Variants in IL12RB2 observed in about 807,000 individuals in gnomAD.
IL12RB2 encodes the protein interleukin 12 receptor subunit beta 2.
IL12RB2 carries 82 observed loss-of-function variants against 89.4 expected under a neutral mutation model. That is an observed-to-expected ratio of 0.92 (90% CI 0.77 to 1.10). The LOEUF (loss-of-function observed/expected upper bound fraction) is 1.10, where lower values mean the gene tolerates loss of function less well. Among genes scored for constraint, IL12RB2 ranks in the 50% least tolerant of loss-of-function variants. IL12RB2 has a pLI of 0.00. For missense variants in IL12RB2, 963 were observed against 1,031.9 expected (o/e 0.93, Z 0.92); for synonymous variants, 368 against 370.1 (o/e 0.99, Z 0.07).
At chr1:67,373,264 A>G (rs1476752517) in intron 13 of IL12RB2, among the ~76,000 whole-genome samples, 1 of 152,160 alleles carries the variant, frequency 6.6e-6, no homozygotes, top group Non-Finnish European at 1.5e-5. Flanking sequence ...GCATGCCACC[A>G]TGTCCAGCTA....
chr1:67,354,259 G>A (rs777507024), intron 10 of IL12RB2, among the ~76,000 whole-genome samples: 1 of 152,138 alleles, frequency 6.6e-6, no homozygotes, highest in Non-Finnish European at 1.5e-5. Flanking sequence ...GTGAGGGAGA[G>A]CAGGTGTGCA....
intron 10 of IL12RB2, among the ~76,000 whole-genome samples, chr1:67,363,336 C>G (rs1444594789): frequency 6.6e-6 from 1 of 151,380 alleles, no homozygotes; most frequent in Admixed American, 6.6e-5. Flanking sequence ...CCTGCCTCAG[C>G]CTCCCTAGTA....
intron 9 of IL12RB2, among the ~76,000 whole-genome samples, chr1:67,342,586 TGTGA>T (rs1272527494): frequency 1.3e-5 from 2 of 151,822 alleles, no homozygotes; most frequent in Non-Finnish European, 2.9e-5. Context: ...TATGTAGGTA[TGTGA>T]GTGTGTGTGT....
chr1:67,377,245 G>T (rs1247760824), intron 13 of IL12RB2, among the ~76,000 whole-genome samples: 3 of 152,288 alleles, frequency 2.0e-5, no homozygotes, highest in Admixed American at 6.5e-5. Flanking sequence ...GCCTTGTCCA[G>T]TGTAGGCACT....
intron 10 of IL12RB2, among the ~76,000 whole-genome samples, chr1:67,352,877 GA>G (rs1436787009): frequency 6.6e-6 from 1 of 152,146 alleles, no homozygotes; most frequent in Non-Finnish European, 1.5e-5. Flanking sequence ...AGGGTGTGGG[GA>G]AGATACTCTT....
chr1:67,357,096 C>T (rs1025644713), intron 10 of IL12RB2, among the ~76,000 whole-genome samples: 2 of 152,150 alleles, frequency 1.3e-5, no homozygotes, highest in Non-Finnish European at 2.9e-5. Context: ...GTAGCTCATG[C>T]CTGTTATTCT....
intron 16 of IL12RB2, among the ~76,000 whole-genome samples, chr1:67,395,056 T>G (rs1290546497): frequency 6.6e-6 from 1 of 151,914 alleles, no homozygotes; most frequent in Non-Finnish European, 1.5e-5. Context: ...TCACTTGAGG[T>G]CAGGAGTTCG....
chr1:67,352,663 C>T (rs141247332), intron 10 of IL12RB2, among the ~76,000 whole-genome samples: 16 of 152,268 alleles, frequency 1.1e-4, no homozygotes, highest in African/African-American at 3.6e-4. Context: ...GGTAATCTCT[C>T]TCTATATTTA....
At chr1:67,351,688 A>G (rs930735540) in intron 10 of IL12RB2, among the ~76,000 whole-genome samples, 18 of 152,148 alleles carry the variant, frequency 1.2e-4, no homozygotes, top group African/African-American at 4.3e-4. Context: ...GACTAATGAA[A>G]CTATAGTAAA....
chr1:67,367,786 C>CT (rs1324601645), intron 10 of IL12RB2, 39 bp from the exon 11 acceptor site: 22 of 1,173,500 alleles, frequency 1.9e-5, no homozygotes, highest in Admixed American at 3.4e-5. Flanking sequence ...TATCCCTCCT[C>CT]TTTTTTTATT....
intron 13 of IL12RB2, among the ~76,000 whole-genome samples, chr1:67,376,127 T>G (rs551618202): frequency 7.2e-5 from 11 of 152,268 alleles, no homozygotes; most frequent in African/African-American, 2.4e-4. Context: ...ATTACAGACG[T>G]GAGCCACCGC....
At chr1:67,366,189 C>T (rs1662644158) in intron 10 of IL12RB2, among the ~76,000 whole-genome samples, 1 of 152,102 alleles carries the variant, frequency 6.6e-6, no homozygotes, top group Non-Finnish European at 1.5e-5. Flanking sequence ...CAATGGCCCA[C>T]ACCTGTAATC....
At chr1:67,343,318 G>A (rs534498855) in intron 9 of IL12RB2, among the ~76,000 whole-genome samples, 2 of 152,228 alleles carry the variant, frequency 1.3e-5, no homozygotes, top group African/African-American at 4.8e-5. Context: ...CTGGGTTCAA[G>A]TGATCTGCCC....
chr1:67,372,784 G>C lies in IL12RB2; in HGVS notation c.1717+1G>C. The C allele has an allele frequency of 6.2e-7, 1 of 1,601,220 alleles. No individual in the cohort carries two copies. The highest frequency in any genetic ancestry group is 8.6e-7 in the Non-Finnish European group (1 of 1,168,388). ...TCCAACTCCCAGCCTCAGCTCTGTGGTATGTGTGAGAACCAAATGCAGTGA... is the reference window on the plus strand; with the variant it reads ...TCCAACTCCCAGCCTCAGCTCTGTGCTATGTGTGAGAACCAAATGCAGTGA... On this transcript the variant is annotated splice_donor_variant, in intron 13 of 16. Transcript: ENST00000674203. LOFTEE classifies it high-confidence loss of function.
At position 67,395,601 on chromosome 1, in the gene IL12RB2, G is replaced by A. The variant is rs1213632595; in HGVS notation, c.2101G>A (p.Asp701Asn). ...CCTGATAGACTGGCCCACGCCTGAA[G>A]ATCCTGAACCGCTGGTCATCAGTGA... is the stretch of plus-strand genomic sequence containing the variant. ...RLLIDWPTPEDPEPLVISEVL... is the reference protein window; with the variant it reads ...RLLIDWPTPENPEPLVISEVL... Residue 701 changes from aspartate to asparagine, a missense_variant, in exon 17 of 17, where the codon GAT (aspartate) becomes AAT (asparagine). Physicochemically the swap from Asp to Asn is conservative, Grantham distance 23 (BLOSUM62 1). Coordinates refer to ENST00000674203, the MANE Select transcript of IL12RB2 (RefSeq NM_001374259.2). 6.2e-7 allele frequency: 1 copy of A among 1,614,238 alleles called. No homozygotes were observed. The highest frequency in any genetic ancestry group is 8.5e-7 in the Non-Finnish European group (1 of 1,180,048).
At chr1:67,343,634 A>T (rs10889683) in intron 9 of IL12RB2, among the ~76,000 whole-genome samples, 93,564 of 151,992 alleles carry the variant, frequency 0.62, 32,688 homozygotes, top group South Asian at 0.78. Context: ...TTCTTTCCTT[A>T]ATTAAGTATC....
chr1:67,351,170 G>C lies in IL12RB2; in HGVS notation c.1258+81G>C. ...CTTATCTCCTGCAGGCCCAACCCAG[G>C]ACCTAAAATGAGTAGCTAGGAGTTC... On this transcript the variant is annotated intron_variant, in intron 10 of 16. Transcript: ENST00000674203. The C allele has an allele frequency of 2.6e-6, 4 of 1,565,900 alleles. No homozygotes were observed. In the South Asian group the frequency reaches 3.5e-5, roughly 14 times the overall value.
intron 16 of IL12RB2, among the ~76,000 whole-genome samples, chr1:67,394,370 A>C (rs1156315527): frequency 6.6e-6 from 1 of 152,096 alleles, no homozygotes; most frequent in African/African-American, 2.4e-5. Flanking sequence ...TAAAAATGTT[A>C]ATAAAGTGCC....
At chr1:67,390,167 T>C (rs1232439310) in intron 16 of IL12RB2, 39 bp downstream of exon 16, 2 of 879,802 alleles carry the variant, frequency 2.3e-6, no homozygotes, top group Non-Finnish European at 3.9e-6. Flanking sequence ...AGTGGAGTTC[T>C]AGTGATCACC....
Sources: gnomAD v4.1 joint callset for allele counts (sites outside exome capture counted in the v4.1 genomes callset) on GRCh38, gnomAD v4.1.1 for gene constraint, MANE v1.5 for transcripts, NCBI Gene and HGNC (gene_info 2026-07-23, HGNC 2026-07-21) for gene names.